FRY: variants seen among roughly 807,000 people sequenced by gnomAD.
FRY encodes the protein FRY microtubule binding protein.
Under a neutral mutation model 348.4 loss-of-function variants are expected in FRY, and 128 were observed. The ratio of observed to expected loss-of-function variants is 0.37; its 90% CI spans 0.32 to 0.43. FRY has a LOEUF of 0.43. FRY is among the 20% of genes least tolerant of loss of function. FRY has a pLI of 1.00. For synonymous variants in FRY, 1,370 were observed against 1,374.7 expected (o/e 1.00, Z 0.08); for missense variants, 2,736 against 3,695.2 (o/e 0.74, Z 6.73).
intron 1 of FRY, among the ~76,000 whole-genome samples, chr13:32,039,102 A>G (rs1423364603): frequency 6.6e-6 from 1 of 152,184 alleles, no homozygotes; most frequent in Non-Finnish European, 1.5e-5. Flanking sequence ...TGTTTGATAG[A>G]TTCTGTTGAC....
chr13:32,101,197 T>A (rs552828518), intron 2 of FRY, among the ~76,000 whole-genome samples: 1 of 152,340 alleles, frequency 6.6e-6, no homozygotes, highest in East Asian at 1.9e-4. Context: ...ATTTCAGGTT[T>A]ATGTGAGATT....
chr13:32,247,191 C>A, intron 47 of FRY, 132 bp from the exon 48 acceptor site: 1 of 712,052 alleles, frequency 1.4e-6, no homozygotes, highest in Non-Finnish European at 2.4e-6. Flanking sequence ...TTTTACTTCT[C>A]ATGGAACCTG....
intron 35 of FRY, among the ~76,000 whole-genome samples, chr13:32,217,031 G>A (rs555175644): frequency 1.3e-5 from 2 of 152,308 alleles, no homozygotes; most frequent in South Asian, 2.1e-4. Context: ...GACAAGATGG[G>A]CATCTTAATG....
rs1437934663 is a variant in FRY, at chr13:32,239,082, G to A, written c.6419-170G>A. Among the ~76,000 whole-genome samples the A allele has an allele frequency of 6.6e-6, 1 of 152,170 alleles. No homozygotes were observed. The highest frequency in any genetic ancestry group is 1.5e-5 in the Non-Finnish European group (1 of 68,028). ...CTTTACTGTCTTCTTTGTAACTGGT[G>A]CAATTGTGGTTGTGCATTTTTCATA... On this transcript the variant is annotated intron_variant, in intron 44 of 60. Coordinates refer to ENST00000542859, the MANE Select transcript of FRY (RefSeq NM_023037.3). This position sits in a 1 kb window ranked among gnomAD's most constrained non-coding sequence, Gnocchi z 4.3.
Position 32,224,231 on chromosome 13 carries a change from C to T in FRY, c.4766-4C>T. On this transcript the variant is annotated splice_polypyrimidine_tract_variant and splice_region_variant and intron_variant, in intron 36 of 60. Coordinates refer to ENST00000542859, the MANE Select transcript of FRY (RefSeq NM_023037.3). ...AAAGCACAGTTGTCTTTCTCACCCT[C>T]CAGATGATCCAATTTCTCCCTACAC... 6.2e-7 allele frequency: 1 copy of T among 1,613,872 alleles called. No homozygotes were observed. The highest frequency in any genetic ancestry group is 1.1e-5 in the South Asian group (1 of 91,078).
At position 32,277,396 on chromosome 13, in the gene FRY, C is replaced by T. The variant is rs532522242; in HGVS notation, c.8385+834C>T. 1.7e-4 allele frequency among the ~76,000 whole-genome samples: 26 copies of T among 152,304 alleles called. No homozygotes were observed. The Middle Eastern group carries it at 0.01, about 60-fold the overall frequency. ...ATAATAGTCATGGCAGCTATCATTT[C>T]CTGAGTCCTTTTTATGTGTCCAACA... On this transcript the variant is annotated intron_variant, in intron 57 of 60. Transcript: ENST00000542859.
At chr13:32,201,900 AT>A in intron 29 of FRY, 40 bp from the exon 30 acceptor site, 1 of 1,112,198 alleles carries the variant, frequency 9.0e-7, no homozygotes, top group Non-Finnish European at 1.4e-6. Flanking sequence ...ACTCTGTCTT[AT>A]AAACCATGCT....
At chr13:32,050,407 C>G (rs1217753642) in intron 1 of FRY, among the ~76,000 whole-genome samples, 1 of 152,134 alleles carries the variant, frequency 6.6e-6, no homozygotes, top group African/African-American at 2.4e-5. Context: ...CTGTCAGGTG[C>G]TTTTATTATA....
At chr13:32,167,408 G>A (rs1386158498) in intron 17 of FRY, among the ~76,000 whole-genome samples, 1 of 152,106 alleles carries the variant, frequency 6.6e-6, no homozygotes, top group Non-Finnish European at 1.5e-5. Context: ...GCATCCCTTG[G>A]CTTGTAGAAG....
intron 11 of FRY, among the ~76,000 whole-genome samples, chr13:32,137,230 A>G (rs556742834): frequency 1.3e-5 from 2 of 152,218 alleles, no homozygotes; most frequent in African/African-American, 4.8e-5. Flanking sequence ...GTAGAATTAA[A>G]TGTTCTTTTA....
intron 35 of FRY, among the ~76,000 whole-genome samples, chr13:32,214,860 G>GTGAGGGAAGCACCATATCCATGGGC (rs530243591): frequency 2.0e-5 from 3 of 152,196 alleles, no homozygotes; most frequent in African/African-American, 7.2e-5. Context: ...CATATCCATT[G>GTGAGGGAAGCACCATATCCATGGGC]TGAGGGAAGC....
intron 55 of FRY, among the ~76,000 whole-genome samples, chr13:32,271,869 A>G (rs1888221059): frequency 6.6e-6 from 1 of 152,186 alleles, no homozygotes; most frequent in African/African-American, 2.4e-5. Flanking sequence ...AGGGAGAAGA[A>G]AGTACTAAAA....
chr13:32,169,013 T>C (rs1881904981), intron 17 of FRY, among the ~76,000 whole-genome samples: 1 of 152,226 alleles, frequency 6.6e-6, no homozygotes, highest in African/African-American at 2.4e-5. Flanking sequence ...TTAACCACTC[T>C]GGGCGACAAT....
chr13:32,224,810 G>C, intron 37 of FRY, 123 bp from the exon 38 acceptor site: 1 of 719,692 alleles, frequency 1.4e-6, no homozygotes, highest in South Asian at 1.5e-5. Context: ...TATTTCCCCC[G>C]AATAAGAGCC....
At chr13:32,288,777 G>T (rs372465317) in intron 58 of FRY, among the ~76,000 whole-genome samples, 4 of 152,152 alleles carry the variant, frequency 2.6e-5, no homozygotes, top group African/African-American at 9.7e-5. Context: ...ATTGAGCAAA[G>T]GCTGTTCCTT....
intron 31 of FRY, among the ~76,000 whole-genome samples, chr13:32,208,074 A>G (rs1884457804): frequency 6.6e-6 from 1 of 152,262 alleles, no homozygotes; most frequent in Admixed American, 6.5e-5. Flanking sequence ...TCTGAGAGAA[A>G]GTAATGGTGA....
At chr13:32,091,785 CA>C (rs1206308226) in intron 2 of FRY, among the ~76,000 whole-genome samples, 1 of 152,146 alleles carries the variant, frequency 6.6e-6, no homozygotes, top group East Asian at 1.9e-4. Context: ...CTGCTGATAT[CA>C]AAACCCTCAA....
At chr13:32,130,855 G>A (rs1316345163) in intron 7 of FRY, among the ~76,000 whole-genome samples, 1 of 146,648 alleles carries the variant, frequency 6.8e-6, no homozygotes, top group Non-Finnish European at 1.5e-5. Flanking sequence ...CGCTGTTGTT[G>A]CCCAGGCTGG....
intron 49 of FRY, among the ~76,000 whole-genome samples, chr13:32,251,381 T>G (rs1887074930): frequency 6.6e-6 from 1 of 152,224 alleles, no homozygotes; most frequent in Non-Finnish European, 1.5e-5. Flanking sequence ...TTCTTCTATT[T>G]GAGAAAAAGA....
Sources: allele counts gnomAD v4.1 joint callset (sites outside exome capture counted in the v4.1 genomes callset), GRCh38; gene constraint gnomAD v4.1.1; non-coding constraint Gnocchi (gnomAD v3.1); transcripts MANE v1.5; gene names NCBI Gene and HGNC (gene_info 2026-07-23, HGNC 2026-07-21).